LARP4B: variants seen among roughly 807,000 people sequenced by gnomAD.
LARP4B encodes la-related protein 4B.
Under a neutral mutation model 89.8 loss-of-function variants are expected in LARP4B, and 12 were observed. The observed-to-expected ratio is 0.13, with a 90% CI of 0.09 to 0.22. The LOEUF is 0.22. LARP4B is among the 10% of genes least tolerant of loss of function. The pLI, the probability that LARP4B is intolerant of heterozygous loss-of-function variation, is 1.00. For synonymous variants in LARP4B, 367 were observed against 363.3 expected (o/e 1.01, Z -0.12); for missense variants, 757 against 947.7 (o/e 0.80, Z 2.64).
chr10:915,891 G>A (rs1836807309), intron 1 of LARP4B, among the ~76,000 whole-genome samples: 1 of 150,594 alleles, frequency 6.6e-6, no homozygotes, highest in Non-Finnish European at 1.5e-5. Flanking sequence ...CTGGCTAAAT[G>A]ACTATTATTT....
In LARP4B at chr10:906,234, T is replaced by C. The variant is rs560553552; in HGVS notation, c.-39-20474A>G. Among the ~76,000 whole-genome samples, 3 of 152,366 alleles carry C rather than the reference T, an allele frequency of 2.0e-5. No individual in the cohort carries two copies. In the South Asian group the frequency reaches 6.2e-4, roughly 32 times the overall value. Reference sequence around the variant, plus strand: ...TAGTACAATGCTTCTATGACTCTTCTTCAGTTTTTATCCTTATTTTCATAT... The same window carrying C: ...TAGTACAATGCTTCTATGACTCTTCCTCAGTTTTTATCCTTATTTTCATAT... On this transcript the variant is annotated intron_variant, in intron 1 of 17. Transcript: ENST00000316157.
chr10:972,979 G>A, the LARP4B span: 9 of 416,726 alleles, frequency 2.2e-5, no homozygotes, highest in Admixed American at 1.1e-4. Flanking sequence ...TGCAGTAGGC[G>A]TTACCACTGT....
rs1338824621 is a variant in LARP4B at position 814,689 on chromosome 10, T to G, written c.1929+53A>C. ...AGGTGCAGGAGTGCGCAGCGTCTGTTCACACCAGAGCCTCGCGGCTGTCGT... is the reference window on the plus strand; with the variant it reads ...AGGTGCAGGAGTGCGCAGCGTCTGTGCACACCAGAGCCTCGCGGCTGTCGT... On this transcript the variant is annotated intron_variant, in intron 17 of 17. Transcript: ENST00000316157. The surrounding 1 kb of genome is among the most constrained non-coding windows in gnomAD (Gnocchi z 4.4). 1 of 1,556,944 alleles carries G rather than the reference T, an allele frequency of 6.4e-7. No homozygotes were observed. The highest frequency in any genetic ancestry group is 8.7e-7 in the Non-Finnish European group (1 of 1,149,884).
chr10:823,592 C>T (rs542093799), intron 13 of LARP4B, among the ~76,000 whole-genome samples: 3 of 151,088 alleles, frequency 2.0e-5, no homozygotes, highest in African/African-American at 4.9e-5. Flanking sequence ...AGGCTGAGGC[C>T]GGGGGGCCTT....
At chr10:934,384 G>A (rs1830721160), upstream of LARP4B, among the ~76,000 whole-genome samples, 1 of 152,054 alleles carries the variant, frequency 6.6e-6, no homozygotes, top group Admixed American at 6.6e-5. Flanking sequence ...TGTGGTTCCA[G>A]CTACTCAGGA....
the LARP4B span, among the ~76,000 whole-genome samples, chr10:974,264 C>T: frequency 0.53 from 80,485 of 151,504 alleles, 21,754 homozygotes; most frequent in South Asian, 0.65. Flanking sequence ...CTACATGGCT[C>T]GCTCCCACGG....
At chr10:916,632 T>C (rs1002270642) in intron 1 of LARP4B, among the ~76,000 whole-genome samples, 3 of 151,404 alleles carry the variant, frequency 2.0e-5, no homozygotes, top group African/African-American at 4.9e-5. Flanking sequence ...GAGGTGGAGG[T>C]TGCAGTGAGC....
At chr10:913,255 G>A (rs1482741723) in intron 1 of LARP4B, among the ~76,000 whole-genome samples, 1 of 152,098 alleles carries the variant, frequency 6.6e-6, no homozygotes, top group East Asian at 1.9e-4. Context: ...ATTTTCACTA[G>A]CAAATGAAAA....
chr10:920,158 C>T (rs918332319), intron 1 of LARP4B, among the ~76,000 whole-genome samples: 5 of 152,188 alleles, frequency 3.3e-5, no homozygotes, highest in South Asian at 2.1e-4. Context: ...GCCTTAACAG[C>T]GACCACAGTA....
At position 931,463 on chromosome 10, in the gene LARP4B, G is replaced by T. The variant is rs1213857234; in HGVS notation, c.-75C>A. 6.8e-6 allele frequency: 1 copy of T among 147,048 alleles called. No homozygotes were observed. Among genetic ancestry groups the T allele is most frequent in the East Asian group, 2.0e-4 (1 of 4,916 alleles). The allele number at this position is 147,048 out of a possible 1,614,324, so 9.1% of individuals were successfully genotyped here. A position where few individuals can be genotyped will look rare whatever the true frequency, so the allele number is the denominator to read the frequency against. On this transcript the variant is annotated 5_prime_UTR_variant, in exon 1 of 18. Transcript: ENST00000316157. ...CGCCGCCCCGCCCGACCGGCCGCCC[G>T]CGGGCTCCTCGCCTCAACCCCGGGG... is the stretch of plus-strand genomic sequence containing the variant.
At chr10:902,574 A>G (rs776022333) in intron 1 of LARP4B, among the ~76,000 whole-genome samples, 1 of 152,192 alleles carries the variant, frequency 6.6e-6, no homozygotes, top group Non-Finnish European at 1.5e-5. Context: ...TCTGCAGTCT[A>G]AGCAGGGCAC....
chr10:831,700 G>C (rs146593349), intron 8 of LARP4B, among the ~76,000 whole-genome samples: 1 of 152,370 alleles, frequency 6.6e-6, no homozygotes, highest in Non-Finnish European at 1.5e-5. Context: ...TGCTTCCGCA[G>C]TGGGGAAAAT....
chr10:962,413 G>T, the LARP4B span, among the ~76,000 whole-genome samples: 2 of 152,066 alleles, frequency 1.3e-5, no homozygotes, highest in Non-Finnish European at 2.9e-5. Context: ...GCAGTCACAT[G>T]GGGGGTTAGG....
chr10:837,169 C>G (rs914293919), intron 7 of LARP4B, among the ~76,000 whole-genome samples: 1 of 152,194 alleles, frequency 6.6e-6, no homozygotes, highest in Non-Finnish European at 1.5e-5. Context: ...TTACATGAAA[C>G]AGAAACATTC....
the LARP4B span, among the ~76,000 whole-genome samples, chr10:969,593 G>T: frequency 3.3e-3 from 500 of 152,242 alleles, no homozygotes; most frequent in Middle Eastern, 0.01. Flanking sequence ...AGCCAGGCGT[G>T]GTGGCACACG....
At chr10:893,987 C>G (rs890958073) in intron 1 of LARP4B, among the ~76,000 whole-genome samples, 1 of 152,164 alleles carries the variant, frequency 6.6e-6, no homozygotes. Flanking sequence ...AACCAAAAAG[C>G]TGATCAGGGC....
the LARP4B span, among the ~76,000 whole-genome samples, chr10:938,728 C>A: frequency 2.6e-5 from 4 of 152,000 alleles, no homozygotes; most frequent in African/African-American, 9.7e-5. Flanking sequence ...ATATATACAT[C>A]TCTCTCTCTC....
chr10:856,771 G>A (rs1834324735), intron 5 of LARP4B, among the ~76,000 whole-genome samples: 4 of 152,156 alleles, frequency 2.6e-5, no homozygotes, highest in Non-Finnish European at 2.9e-5. Context: ...AAAAGTAACC[G>A]TTTTGAAAAA....
At chr10:844,154 C>A (rs182868176) in intron 6 of LARP4B, among the ~76,000 whole-genome samples, 1 of 152,360 alleles carries the variant, frequency 6.6e-6, no homozygotes. Flanking sequence ...ACCCTCATCT[C>A]GGCCATCTTC....
Sources: gnomAD v4.1 joint callset for allele counts (sites outside exome capture counted in the v4.1 genomes callset) on GRCh38, gnomAD v4.1.1 for gene constraint, Gnocchi (gnomAD v3.1) non-coding constraint, MANE v1.5 for transcripts, NCBI Gene and HGNC (gene_info 2026-07-23, HGNC 2026-07-21) for gene names.